TASP1: variants seen among roughly 807,000 people sequenced by gnomAD.
TASP1 encodes taspase 1, also known as threonine aspartase 1.
TASP1 carries 16 observed loss-of-function variants against 56.6 expected under a neutral mutation model. The ratio of observed to expected loss-of-function variants is 0.28; its 90% CI spans 0.19 to 0.43. TASP1 has a LOEUF of 0.43. TASP1 is among the 20% of genes least tolerant of loss of function. The pLI is 1.00. For synonymous variants in TASP1, 179 were observed against 184.2 expected, an observed-to-expected ratio of 0.97 and a Z score of 0.23; for missense variants, 393 against 511.6, an observed-to-expected ratio of 0.77 and a Z score of 2.24.
the TASP1 span, among the ~76,000 whole-genome samples, chr20:13,189,059 G>T: frequency 6.6e-6 from 1 of 152,066 alleles, no homozygotes; most frequent in Non-Finnish European, 1.5e-5. Context: ...CTATAAATTT[G>T]TTCTGACCAC....
chr20:13,463,875 T>C (rs1436332078), intron 11 of TASP1, among the ~76,000 whole-genome samples: 1 of 151,978 alleles, frequency 6.6e-6, no homozygotes, highest in African/African-American at 2.4e-5. Flanking sequence ...TTGGTGAGGA[T>C]GTAAAGAAAT....
chr20:13,162,398 T>C, the TASP1 span, among the ~76,000 whole-genome samples: 3 of 152,200 alleles, frequency 2.0e-5, no homozygotes, highest in Non-Finnish European at 4.4e-5. Context: ...TTTGAAAGGA[T>C]ACTGAGACAT....
intron 10 of TASP1, among the ~76,000 whole-genome samples, chr20:13,484,036 C>T (rs2043234301): frequency 1.3e-5 from 2 of 152,162 alleles, no homozygotes; most frequent in South Asian, 4.1e-4. Flanking sequence ...GACATTTATG[C>T]AGCCAACAAA....
chr20:13,399,793 G>A (rs1199528205), intron 13 of TASP1, among the ~76,000 whole-genome samples: 1 of 152,108 alleles, frequency 6.6e-6, no homozygotes, highest in African/African-American at 2.4e-5. Flanking sequence ...CCATTTCAGG[G>A]GAAAAGCCCA....
intron 6 of TASP1, among the ~76,000 whole-genome samples, chr20:13,571,554 T>C (rs2046713325): frequency 6.6e-6 from 1 of 152,184 alleles, no homozygotes; most frequent in Non-Finnish European, 1.5e-5. Flanking sequence ...TGAGCCACCA[T>C]CATCTGATAC....
the TASP1 span, among the ~76,000 whole-genome samples, chr20:13,231,587 T>C: frequency 2.0e-5 from 3 of 152,200 alleles, no homozygotes; most frequent in Non-Finnish European, 4.4e-5. Flanking sequence ...TGGAAAGTTA[T>C]TTTTGTAAAC....
At chr20:13,608,834 T>G (rs1008095284) in intron 4 of TASP1, among the ~76,000 whole-genome samples, 5 of 152,222 alleles carry the variant, frequency 3.3e-5, no homozygotes, top group African/African-American at 1.2e-4. Flanking sequence ...ACATGGAGCC[T>G]CAATTCTAGC....
intron 4 of TASP1, among the ~76,000 whole-genome samples, chr20:13,595,134 T>A (rs1453267196): frequency 6.6e-6 from 1 of 152,140 alleles, no homozygotes; most frequent in African/African-American, 2.4e-5. Flanking sequence ...CTAAGCTTCC[T>A]AAGTGAAGGA....
At chr20:13,157,368 T>C in the TASP1 span, among the ~76,000 whole-genome samples, 1 of 150,256 alleles carries the variant, frequency 6.7e-6, no homozygotes, top group Non-Finnish European at 1.5e-5. Flanking sequence ...ACCCGGGAGG[T>C]GGAGGTTGCA....
the TASP1 span, among the ~76,000 whole-genome samples, chr20:13,148,533 G>C: frequency 1.3e-5 from 2 of 152,170 alleles, no homozygotes; most frequent in African/African-American, 4.8e-5. Flanking sequence ...TGAGCACTCA[G>C]GAACTGCTGG....
the TASP1 span, among the ~76,000 whole-genome samples, chr20:13,335,365 C>T: frequency 1.3e-5 from 2 of 150,358 alleles, no homozygotes; most frequent in African/African-American, 4.9e-5. Context: ...CACACACAAA[C>T]ACACACCCTG....
intron 11 of TASP1, among the ~76,000 whole-genome samples, chr20:13,436,911 T>A (rs529432483): frequency 6.6e-6 from 1 of 152,232 alleles, no homozygotes; most frequent in East Asian, 1.9e-4. Flanking sequence ...TACCAAACAG[T>A]TGGTATTTAA....
At chr20:13,279,883 G>C in the TASP1 span, 1 of 1,613,934 alleles carries the variant, frequency 6.2e-7, no homozygotes, top group Non-Finnish European at 8.5e-7. Flanking sequence ...TGAAACCAAA[G>C]ATCAGCCAGA....
the TASP1 span, chr20:13,159,864 A>C: frequency 8.4e-7 from 1 of 1,188,520 alleles, no homozygotes; most frequent in Non-Finnish European, 1.1e-6. Flanking sequence ...TAAAAACTTC[A>C]ATCATCTTCC....
At chr20:13,443,692 C>T (rs923984306) in intron 11 of TASP1, among the ~76,000 whole-genome samples, 7 of 152,036 alleles carry the variant, frequency 4.6e-5, no homozygotes, top group South Asian at 2.1e-4. Context: ...TCTTTAAGGA[C>T]GAAAACACTG....
intron 10 of TASP1, among the ~76,000 whole-genome samples, chr20:13,525,276 A>T (rs545274863): frequency 6.6e-6 from 1 of 152,164 alleles, no homozygotes; most frequent in African/African-American, 2.4e-5. Context: ...TTCTGGTTTT[A>T]CAAATAACCC....
the TASP1 span, chr20:13,164,820 G>C: frequency 6.2e-7 from 1 of 1,613,816 alleles, no homozygotes; most frequent in Non-Finnish European, 8.5e-7. Flanking sequence ...CAAGAAGTCA[G>C]CACGTCCTGA....
the TASP1 span, among the ~76,000 whole-genome samples, chr20:13,325,871 G>A: frequency 6.6e-6 from 1 of 151,988 alleles, no homozygotes; most frequent in African/African-American, 2.4e-5. Flanking sequence ...TTTCAAAATG[G>A]AGGTTTCCTT....
chr20:13,219,619 G>GA, the TASP1 span, among the ~76,000 whole-genome samples: 75 of 152,032 alleles, frequency 4.9e-4, no homozygotes, highest in African/African-American at 1.8e-3. Flanking sequence ...TAATGAAAAG[G>GA]AAAAAATATA....
Sources: allele counts gnomAD v4.1 joint callset (sites outside exome capture counted in the v4.1 genomes callset), GRCh38; gene constraint gnomAD v4.1.1; transcripts MANE v1.5; gene names NCBI Gene and HGNC (gene_info 2026-07-23, HGNC 2026-07-21).